The following CHD7 variants were observed in gnomAD, a reference collection of about 807,000 sequenced individuals.
CHD7 encodes chromodomain helicase DNA binding protein 7, also known as ATP-dependent chromatin remodeler CHD7.
In CHD7, 24 loss-of-function variants were observed where a neutral mutation model predicts 307.3. The ratio of observed to expected loss-of-function variants is 0.08; its 90% confidence interval spans 0.06 to 0.11. The LOEUF (loss-of-function observed/expected upper bound fraction) is 0.11. Among genes scored for constraint, CHD7 ranks in the 10% least tolerant of loss-of-function variants. The probability of loss-of-function intolerance (pLI) is 1.00; values close to 1 mark genes in which losing one functional copy is unlikely to be tolerated. For synonymous variants in CHD7, 1,363 were observed against 1,349.9 expected, an observed-to-expected ratio of 1.01 and a Z score of -0.21; for missense variants, 3,106 against 3,727.1, an observed-to-expected ratio of 0.83 and a Z score of 4.34.
intron 1 of CHD7, among the ~76,000 whole-genome samples, chr8:60,714,071 G>A (rs897403612): frequency 5.3e-5 from 8 of 152,022 alleles, no homozygotes; most frequent in Non-Finnish European, 5.9e-5. Context: ...GGGAGCGCTG[G>A]GGCAGAGCCA....
intron 2 of CHD7, among the ~76,000 whole-genome samples, chr8:60,778,380 C>G (rs1435517509): frequency 6.6e-6 from 1 of 152,116 alleles, no homozygotes; most frequent in Non-Finnish European, 1.5e-5. Flanking sequence ...CTTTTTTCCT[C>G]CTTATGCAAG....
chr8:60,854,630 A>G, intron 32 of CHD7, 107 bp downstream of exon 32: 2 of 953,174 alleles, frequency 2.1e-6, no homozygotes, highest in Middle Eastern at 2.2e-4. Context: ...CTTTTGACAC[A>G]GTATATGAAG....
At chr8:60,793,105 C>G (rs927101118) in intron 3 of CHD7, among the ~76,000 whole-genome samples, 1 of 152,078 alleles carries the variant, frequency 6.6e-6, no homozygotes, top group African/African-American at 2.4e-5. Flanking sequence ...GGAAAGGGGC[C>G]CAGTGTTCAG....
chr8:60,860,039 G>T (rs1207213955), intron 34 of CHD7, among the ~76,000 whole-genome samples: 1 of 152,170 alleles, frequency 6.6e-6, no homozygotes, highest in Non-Finnish European at 1.5e-5. Context: ...CTGGGCCATG[G>T]TAGAGCTGTG....
intron 12 of CHD7, 95 bp downstream of exon 12, chr8:60,822,841 T>C (rs917442622): frequency 4.1e-6 from 5 of 1,213,338 alleles, no homozygotes; most frequent in Non-Finnish European, 5.5e-6. Flanking sequence ...AAGGTCTAAA[T>C]TTTGCCAAAT....
chr8:60,778,102 T>A (rs1347167042), intron 2 of CHD7, among the ~76,000 whole-genome samples: 1 of 56,204 alleles, frequency 1.8e-5, no homozygotes. Context: ...GGGTGGGGGG[T>A]GGAGGGGGGG....
intron 14 of CHD7, 85 bp downstream of exon 14, chr8:60,828,891 G>C: frequency 7.8e-7 from 1 of 1,281,456 alleles, no homozygotes; most frequent in South Asian, 1.3e-5. Context: ...ATTTTAAAGT[G>C]TGATTATATT....
chr8:60,727,368 T>TC (rs968145131), intron 1 of CHD7, among the ~76,000 whole-genome samples: 4 of 151,760 alleles, frequency 2.6e-5, no homozygotes, highest in Non-Finnish European at 4.4e-5. Context: ...TCTCAAGTGA[T>TC]CCCCCCCACC....
At chr8:60,861,157 A>T in intron 35 of CHD7, 32 bp downstream of exon 35, 1 of 1,506,790 alleles carries the variant, frequency 6.6e-7, no homozygotes, top group Non-Finnish European at 9.0e-7. Context: ...GTTGGAAGGA[A>T]TCTTGCAGGC....
chr8:60,813,504 T>G (rs1812907374), intron 7 of CHD7, among the ~76,000 whole-genome samples: 1 of 152,202 alleles, frequency 6.6e-6, no homozygotes, highest in African/African-American at 2.4e-5. Context: ...GTGGTGTTTC[T>G]TCATTTAGTA....
intron 2 of CHD7, among the ~76,000 whole-genome samples, chr8:60,751,775 G>A (rs924706103): frequency 2.0e-5 from 3 of 152,198 alleles, no homozygotes; most frequent in Admixed American, 1.3e-4. Flanking sequence ...CAGGAGTGGT[G>A]GAGGGCTAGG....
At chr8:60,828,613 A>G in intron 13 of CHD7, 50 bp from the exon 14 acceptor site, 8 of 1,544,750 alleles carry the variant, frequency 5.2e-6, no homozygotes, top group Non-Finnish European at 7.0e-6. Context: ...TGGTTTTAAG[A>G]AAGTGTTTTT....
intron 2 of CHD7, among the ~76,000 whole-genome samples, chr8:60,780,460 A>G (rs1313109535): frequency 2.0e-5 from 3 of 152,262 alleles, no homozygotes; most frequent in Non-Finnish European, 2.9e-5. Context: ...TGATATTTTA[A>G]TGTTGTTTAA....
At chr8:60,822,274 A>C in intron 11 of CHD7, 129 bp downstream of exon 11, 1 of 764,624 alleles carries the variant, frequency 1.3e-6, no homozygotes, top group Non-Finnish European at 1.9e-6. Flanking sequence ...CAAGCATTGA[A>C]AATATATGTA....
rs1803830895 is a variant in CHD7, at chr8:60,818,046, G to T, written c.2613+1545G>T. On this transcript the variant is annotated intron_variant, in intron 8 of 37. Coordinates refer to ENST00000423902, the MANE Select transcript of CHD7 (RefSeq NM_017780.4). ...TGTACATTATTTACCTGGTAACTTG[G>T]CAGCTAGAAATCTTAGTTTCTGTCC... Among the ~76,000 whole-genome samples, 4 of 152,202 alleles carry T rather than the reference G, an allele frequency of 2.6e-5. No homozygotes were observed. In the South Asian group the frequency reaches 6.2e-4, roughly 24 times the overall value.
intron 34 of CHD7, 147 bp from the exon 35 acceptor site, chr8:60,860,757 T>C (rs1805931850): frequency 1.5e-6 from 1 of 684,610 alleles, no homozygotes; most frequent in African/African-American, 1.8e-5. Flanking sequence ...TTTTAATAGC[T>C]GTTCCCAAAC....
At chr8:60,723,763 G>C (rs1008756922) in intron 1 of CHD7, among the ~76,000 whole-genome samples, 2 of 152,196 alleles carry the variant, frequency 1.3e-5, no homozygotes, top group African/African-American at 4.8e-5. Flanking sequence ...TCCATAGATT[G>C]TGTTTGGATG....
At chr8:60,739,489 G>A (rs774759458) in intron 1 of CHD7, among the ~76,000 whole-genome samples, 12 of 152,308 alleles carry the variant, frequency 7.9e-5, no homozygotes, top group East Asian at 3.9e-4. Context: ...GTAAAGCAGC[G>A]TGTTTTCAGT....
intron 3 of CHD7, among the ~76,000 whole-genome samples, chr8:60,792,793 A>G (rs1280073436): frequency 6.6e-6 from 1 of 152,210 alleles, no homozygotes; most frequent in Admixed American, 6.5e-5. Context: ...GCTCTGGTAT[A>G]GAGAGGTCAC....
Sources: gnomAD v4.1 joint callset for allele counts (sites outside exome capture counted in the v4.1 genomes callset) on GRCh38, gnomAD v4.1.1 for gene constraint, MANE v1.5 for transcripts, NCBI Gene and HGNC (gene_info 2026-07-23, HGNC 2026-07-21) for gene names.